The following CTNNA2 variants were observed in gnomAD, a reference collection of about 807,000 sequenced individuals.
The protein encoded by CTNNA2 is catenin alpha 2, also known as catenin alpha-2.
In CTNNA2, 42 loss-of-function variants were observed where a neutral mutation model predicts 101.0. The observed-to-expected ratio is 0.42, with a 90% CI of 0.32 to 0.54. The LOEUF is 0.54. Ranked by LOEUF, CTNNA2 falls within the 20% of genes least tolerant of loss-of-function variation. The pLI is 0.14. For missense variants in CTNNA2, 871 were observed against 1,223.1 expected (o/e 0.71, Z 4.29); for synonymous variants, 450 against 456.4 (o/e 0.99, Z 0.18).
rs1431003470 is a variant in CTNNA2 at position 80,119,361 on chromosome 2, G to A, written c.1056+209564G>A. Among the ~76,000 whole-genome samples, 7 of 152,312 alleles carry A rather than the reference G, an allele frequency of 4.6e-5. No homozygotes were observed. In the East Asian group the frequency reaches 1.4e-3, roughly 29 times the overall value. On this transcript the variant is annotated intron_variant, in intron 7 of 18. Transcript: ENST00000402739. The stretch of plus-strand genomic sequence containing the variant: ...GACATGACAGGAAGAAATGCAGAGG[G>A]ACAGGGATTGGGGAGACATAGCTGG...
In CTNNA2 at chr2:80,303,723, G is replaced by A; in HGVS notation, c.1057-89488G>A. On this transcript the variant is annotated intron_variant, in intron 7 of 18. Transcript: ENST00000402739. The surrounding 1 kb of genome is among the most constrained non-coding windows in gnomAD (Gnocchi z 7.7). Reference sequence around the variant, plus strand: ...TGCGGGCACCCGCTGGGGGCGGCGGGCAGCATCTGAAAGCAGGCCCCCAGC... The same window carrying A: ...TGCGGGCACCCGCTGGGGGCGGCGGACAGCATCTGAAAGCAGGCCCCCAGC... The A allele has an allele frequency of 6.2e-7, 1 of 1,605,930 alleles. No individual in the cohort carries two copies. The highest frequency in any genetic ancestry group is 8.5e-7 in the Non-Finnish European group (1 of 1,175,982).
intron 1 of CTNNA2, among the ~76,000 whole-genome samples, chr2:79,532,621 G>C (rs1672812880): frequency 1.3e-5 from 2 of 151,756 alleles, no homozygotes; most frequent in Non-Finnish European, 2.9e-5. Context: ...ATGTATTTTT[G>C]AATGACATAT....
intron 3 of CTNNA2, among the ~76,000 whole-genome samples, chr2:79,359,632 T>G (rs1351395767): frequency 2.0e-5 from 3 of 152,160 alleles, no homozygotes; most frequent in Non-Finnish European, 4.4e-5. Context: ...TGCAGAGGAT[T>G]AGGAGCAGCT....
chr2:80,515,415 A>T (rs539671498), intron 9 of CTNNA2, among the ~76,000 whole-genome samples: 13 of 152,360 alleles, frequency 8.5e-5, no homozygotes, highest in African/African-American at 3.1e-4. Flanking sequence ...ATTCCCTTGG[A>T]TAGCTCAGAA....
At chr2:80,627,176 CGT>C (rs36153723) in intron 18 of CTNNA2, among the ~76,000 whole-genome samples, 55,259 of 151,550 alleles carry the variant, frequency 0.36, 10,674 homozygotes, top group East Asian at 0.45. Flanking sequence ...AATAAACATA[CGT>C]GTGTGTGTGT....
chr2:79,815,615 C>T (rs2105356568), intron 3 of CTNNA2, among the ~76,000 whole-genome samples: 1 of 152,232 alleles, frequency 6.6e-6, no homozygotes, highest in Non-Finnish European at 1.5e-5. Flanking sequence ...TTCCATTGGT[C>T]TATGTGCCTA....
At chr2:80,238,100 C>G (rs573028564) in intron 7 of CTNNA2, among the ~76,000 whole-genome samples, 1 of 152,260 alleles carries the variant, frequency 6.6e-6, no homozygotes, top group Admixed American at 6.5e-5. Flanking sequence ...TGGTAAGACT[C>G]CCTCCCCTGG....
chr2:80,001,568 T>TA lies in CTNNA2; in HGVS notation c.1056+91772dup, dbSNP rs1692949518. ...TTTAAGAAATTTTTCTCCTGGGGAT[T>TA]AGTCTAATAATTGGCAGAGATAAGA... On this transcript the variant is annotated intron_variant, in intron 7 of 18. Transcript: ENST00000402739. 3.9e-5 allele frequency among the ~76,000 whole-genome samples: 6 copies of TA among 152,326 alleles called. No homozygotes were observed. The South Asian group carries it at 1.2e-3, about 32-fold the overall frequency.
At chr2:79,736,231 A>G (rs1052154633) in intron 2 of CTNNA2, among the ~76,000 whole-genome samples, 7 of 152,178 alleles carry the variant, frequency 4.6e-5, no homozygotes, top group African/African-American at 1.7e-4. Context: ...TCTCACAAGT[A>G]TTCTGCTTTA....
intron 1 of CTNNA2, among the ~76,000 whole-genome samples, chr2:79,541,340 TATATACAC>T (rs1440521056): frequency 2.0e-5 from 3 of 150,064 alleles, no homozygotes; most frequent in East Asian, 3.9e-4. Context: ...TATATATATA[TATATACAC>T]ACACACAATG....
chr2:79,629,832 G>A (rs571645823), intron 1 of CTNNA2, among the ~76,000 whole-genome samples: 1 of 152,188 alleles, frequency 6.6e-6, no homozygotes, highest in African/African-American at 2.4e-5. Flanking sequence ...GTGCCTTGCT[G>A]AACCTGGAGA....
chr2:79,185,402 G>A (rs892927503), exon 1 of CTNNA2: 1 of 145,134 alleles, frequency 6.9e-6, no homozygotes, highest in African/African-American at 2.6e-5. Context: ...TTCACCGGCT[G>A]TACCAAGAAC....
chr2:80,352,004 G>A (rs577506741), intron 7 of CTNNA2, among the ~76,000 whole-genome samples: 2 of 152,232 alleles, frequency 1.3e-5, no homozygotes, highest in Non-Finnish European at 2.9e-5. Context: ...AGGGAAGCTC[G>A]TCTAATAGGG....
At chr2:80,116,436 C>A (rs1173170102) in intron 7 of CTNNA2, among the ~76,000 whole-genome samples, 1 of 151,114 alleles carries the variant, frequency 6.6e-6, no homozygotes, top group Non-Finnish European at 1.5e-5. Context: ...AGATAGCACT[C>A]TTTTAACAGA....
chr2:80,607,452 C>A (rs1418944584), intron 16 of CTNNA2, among the ~76,000 whole-genome samples: 3 of 151,784 alleles, frequency 2.0e-5, no homozygotes, highest in Non-Finnish European at 4.4e-5. Flanking sequence ...TGATGGACAC[C>A]CGCCTACTTC....
chr2:79,884,660 A>G (rs1472670827), intron 6 of CTNNA2, among the ~76,000 whole-genome samples: 1 of 151,954 alleles, frequency 6.6e-6, no homozygotes. Context: ...GCAACTCTAC[A>G]TAAGTTCCCC....
At chr2:80,392,996 C>T (rs975243219) in intron 7 of CTNNA2, among the ~76,000 whole-genome samples, 1 of 152,094 alleles carries the variant, frequency 6.6e-6, no homozygotes, top group Non-Finnish European at 1.5e-5. Flanking sequence ...ATATGTGTAA[C>T]CATCCTGAGA....
At chr2:80,551,427 T>C (rs1268339231) in intron 11 of CTNNA2, among the ~76,000 whole-genome samples, 1 of 152,232 alleles carries the variant, frequency 6.6e-6, no homozygotes, top group Admixed American at 6.5e-5. Context: ...AATGGCACCG[T>C]CTTCCAGTAG....
chr2:80,043,095 C>CTTTT (rs1312488621), intron 7 of CTNNA2, among the ~76,000 whole-genome samples: 1 of 19,932 alleles, frequency 5.0e-5, no homozygotes, highest in African/African-American at 2.9e-4. Context: ...TTCTTTCTTT[C>CTTTT]TCTCTCTCTC....
Sources: gnomAD v4.1 joint callset for allele counts (sites outside exome capture counted in the v4.1 genomes callset) on GRCh38, gnomAD v4.1.1 for gene constraint, Gnocchi (gnomAD v3.1) non-coding constraint, MANE v1.5 for transcripts, NCBI Gene and HGNC (gene_info 2026-07-23, HGNC 2026-07-21) for gene names.